ALKBH1: variants seen among roughly 807,000 people sequenced by gnomAD.
The protein encoded by ALKBH1 is alkB homolog 1, histone H2A dioxygenase, also known as nucleic acid dioxygenase ALKBH1.
In ALKBH1, 31 loss-of-function variants were observed where a neutral mutation model predicts 36.6. The ratio of observed to expected loss-of-function variants is 0.85; its 90% CI spans 0.64 to 1.14. The LOEUF is 1.14. Ranked by LOEUF, ALKBH1 falls within the 50% of genes most tolerant of loss-of-function variation. The pLI is 0.00. For missense variants in ALKBH1, 490 were observed against 497.3 expected, an observed-to-expected ratio of 0.99 and a Z score of 0.14; for synonymous variants, 183 against 186.6, an observed-to-expected ratio of 0.98 and a Z score of 0.16.
Position 77,675,745 on chromosome 14 carries a change from C to A in ALKBH1, c.651G>T (p.Gly217=). 1.2e-6 allele frequency: 2 copies of A among 1,614,138 alleles called. No individual in the cohort carries two copies. The highest frequency in any genetic ancestry group is 8.5e-7 in the Non-Finnish European group (1 of 1,180,024). Residue 217 remains glycine (G), a synonymous_variant, in exon 5 of 6, where the codon GGG becomes GGT. Coordinates refer to ENST00000216489, the MANE Select transcript of ALKBH1 (RefSeq NM_006020.3). ...CGFEDFRAEA[G]ILNYYRLDST... ...AGTCCAGGCGGTAGTAATTCAGGAT[C>A]CCTGCTTCAGCTCGGAAATCCTCAA...
chr14:77,699,179 A>G (rs1188828304), intron 2 of ALKBH1, among the ~76,000 whole-genome samples: 1 of 152,248 alleles, frequency 6.6e-6, no homozygotes, highest in Non-Finnish European at 1.5e-5. Flanking sequence ...TGTATTTACA[A>G]TAAAACTGCA....
chr14:77,707,812 CTCTCTGTACCTTTT>C lies in ALKBH1; in HGVS notation c.179_183+9del. The C allele has an allele frequency of 6.3e-7, 1 of 1,585,148 alleles. No homozygotes were observed. The highest frequency in any genetic ancestry group is 8.6e-7 in the Non-Finnish European group (1 of 1,164,514). ...CGATGGAGAGACGCGCGCCACTCCT[CTCTCTGTACCTTTT>C]GGGCACCAGGACCCTTGCCACGGGC... On this transcript the variant is annotated splice_donor_variant and splice_donor_5th_base_variant and coding_sequence_variant and intron_variant, in exon 1 of 6. Transcript: ENST00000216489. LOFTEE classifies it high-confidence loss of function.
chr14:77,682,982 C>G (rs2080246483), intron 3 of ALKBH1, among the ~76,000 whole-genome samples: 1 of 152,054 alleles, frequency 6.6e-6, no homozygotes, highest in African/African-American at 2.4e-5. Flanking sequence ...CAGGCGTGAA[C>G]CACTGCACCT....
At chr14:77,700,809 C>A (rs2080355218) in intron 2 of ALKBH1, among the ~76,000 whole-genome samples, 1 of 152,064 alleles carries the variant, frequency 6.6e-6, no homozygotes, top group South Asian at 2.1e-4. Context: ...GCCTCCTAGC[C>A]AGGCACAGTG....
At chr14:77,693,886 CTG>C (rs1459797036) in intron 3 of ALKBH1, among the ~76,000 whole-genome samples, 1 of 152,112 alleles carries the variant, frequency 6.6e-6, no homozygotes, top group Non-Finnish European at 1.5e-5. Context: ...ACTCAGGAGA[CTG>C]AGGCAGGAGA....
In ALKBH1 at chr14:77,673,523, T is replaced by C. The variant is rs987404093; in HGVS notation, c.*289A>G. The stretch of plus-strand genomic sequence containing the variant: ...TCACTTCTACCTTCCTCAAAGGAAA[T>C]AGCAGAGGCTGAGAAGGCTGTTGTG... On this transcript the variant is annotated 3_prime_UTR_variant, in exon 6 of 6. Coordinates refer to ENST00000216489, the MANE Select transcript of ALKBH1 (RefSeq NM_006020.3). 5.4e-5 allele frequency: 20 copies of C among 368,874 alleles called. No homozygotes were observed. The highest frequency in any genetic ancestry group is 1.2e-4 in the African/African-American group (6 of 49,240). 22.9% of individuals were successfully genotyped at this position (368,874 alleles called of 1,614,324 possible). A position where few individuals can be genotyped will look rare whatever the true frequency, so the allele number is the denominator to read the frequency against.
At chr14:77,689,360 C>T (rs8015796) in intron 3 of ALKBH1, among the ~76,000 whole-genome samples, 11,663 of 152,208 alleles carry the variant, frequency 0.077, 500 homozygotes, top group Middle Eastern at 0.1. Context: ...CCCTCCCTCA[C>T]TGGCTTTTAT....
At chr14:77,698,427 GT>G (rs1419166154) in intron 2 of ALKBH1, among the ~76,000 whole-genome samples, 1 of 152,190 alleles carries the variant, frequency 6.6e-6, no homozygotes, top group Admixed American at 6.5e-5. Flanking sequence ...CAAAGGGTTT[GT>G]GCCTGAGGGA....
At chr14:77,701,657 A>C (rs1056772859) in intron 2 of ALKBH1, among the ~76,000 whole-genome samples, 26 of 152,224 alleles carry the variant, frequency 1.7e-4, no homozygotes, top group Admixed American at 6.5e-5. Flanking sequence ...CAGATCCAGA[A>C]GTAAACACAA....
intron 1 of ALKBH1, among the ~76,000 whole-genome samples, chr14:77,704,785 C>T (rs1353533779): frequency 6.6e-6 from 1 of 152,170 alleles, no homozygotes; most frequent in Non-Finnish European, 1.5e-5. Context: ...GTACTGCTTA[C>T]TTGATCTGGG....
chr14:77,705,285 C>A (rs867149939), intron 1 of ALKBH1, among the ~76,000 whole-genome samples: 6 of 151,040 alleles, frequency 4.0e-5, no homozygotes, highest in African/African-American at 7.3e-5. Flanking sequence ...TAGTGGCGGG[C>A]GCCTGAAATC....
Position 77,707,724 on chromosome 14 carries a change from A to G in ALKBH1, c.183+98T>C, listed in dbSNP as rs1285624625. Reference sequence around the variant, plus strand: ...GGAGGTCAGGAATCGTTCAATAACAATCGGTCTGGAGGTGAAAAGAGGCGA... The same window carrying G: ...GGAGGTCAGGAATCGTTCAATAACAGTCGGTCTGGAGGTGAAAAGAGGCGA... On this transcript the variant is annotated intron_variant, in intron 1 of 5. Transcript: ENST00000216489. 5.1e-6 allele frequency: 7 copies of G among 1,375,178 alleles called. No homozygotes were observed. In the East Asian group the frequency reaches 1.7e-4, roughly 33 times the overall value. 85.2% of individuals were successfully genotyped at this position (1,375,178 alleles called of 1,614,324 possible).
chr14:77,676,785 C>T (rs1566810985), intron 4 of ALKBH1, among the ~76,000 whole-genome samples: 1 of 152,176 alleles, frequency 6.6e-6, no homozygotes. Flanking sequence ...TATAAAAAGG[C>T]AACTCAAATA....
At position 77,672,404 on chromosome 14, in the gene ALKBH1, TAA is replaced by T. The variant is rs759467326; in HGVS notation, c.*1406_*1407del. The T allele has an allele frequency of 1.4e-4, 22 of 152,046 alleles. No individual in the cohort carries two copies. Among genetic ancestry groups the T allele is most frequent in the Non-Finnish European group, 2.4e-4 (16 of 67,990 alleles). The allele number at this position is 152,046 out of a possible 1,614,324, so 9.4% of individuals were successfully genotyped here. A position where few individuals can be genotyped will look rare whatever the true frequency, so the allele number is the denominator to read the frequency against. ...AAAAACAAAGAACCTAGCTTACACA[TAA>T]GAGATAAATCCATAATTTTTATTCA... On this transcript the variant is annotated 3_prime_UTR_variant, in exon 6 of 6. Coordinates refer to ENST00000216489, the MANE Select transcript of ALKBH1 (RefSeq NM_006020.3).
rs115826556 is a variant in ALKBH1, at chr14:77,707,365, C to T, written c.183+457G>A. ...GGGATTCTCAGAATCCTTCAATGACCTCCTTCTAAAAGAGCCAGAGGAGAA... is the reference window on the plus strand; with the variant it reads ...GGGATTCTCAGAATCCTTCAATGACTTCCTTCTAAAAGAGCCAGAGGAGAA... On this transcript the variant is annotated intron_variant, in intron 1 of 5. Transcript: ENST00000216489. Among the ~76,000 whole-genome samples the T allele has an allele frequency of 1.0e-2, 1,522 of 152,276 alleles. 33 individuals carry two copies. Among genetic ancestry groups the T allele is most frequent in the African/African-American group, 0.035 (1,456 of 41,538 alleles).
At chr14:77,705,464 G>A (rs1232681309) in intron 1 of ALKBH1, among the ~76,000 whole-genome samples, 3 of 148,390 alleles carry the variant, frequency 2.0e-5, no homozygotes, top group African/African-American at 7.4e-5. Flanking sequence ...TAAACAGACA[G>A]AAAAAATGTT....
intron 2 of ALKBH1, among the ~76,000 whole-genome samples, chr14:77,703,099 T>C (rs562633051): frequency 2.4e-4 from 36 of 152,012 alleles, no homozygotes; most frequent in Non-Finnish European, 3.7e-4. Context: ...TGAGCTGAGA[T>C]TGTGCCACTG....
chr14:77,691,503 C>T (rs1223312934), intron 3 of ALKBH1, among the ~76,000 whole-genome samples: 1 of 152,110 alleles, frequency 6.6e-6, no homozygotes, highest in African/African-American at 2.4e-5. Flanking sequence ...GCCCATGATT[C>T]AATTACCTTG....
chr14:77,702,761 T>C (rs2080366399), intron 2 of ALKBH1, among the ~76,000 whole-genome samples: 1 of 152,102 alleles, frequency 6.6e-6, no homozygotes, highest in African/African-American at 2.4e-5. Flanking sequence ...TGGAGTGCAG[T>C]GGCACGATCT....
Sources: gnomAD v4.1 joint callset for allele counts (sites outside exome capture counted in the v4.1 genomes callset) on GRCh38, gnomAD v4.1.1 for gene constraint, MANE v1.5 for transcripts, NCBI Gene and HGNC (gene_info 2026-07-23, HGNC 2026-07-21) for gene names.